The following ZNF155 variants were observed in gnomAD, a reference collection of about 807,000 sequenced individuals.
ZNF155 encodes zinc finger protein 155.
ZNF155 carries 15 observed loss-of-function variants against 11.9 expected under a neutral mutation model. That is an observed-to-expected ratio of 1.26 (90% CI 0.84 to 1.94). The LOEUF (loss-of-function observed/expected upper bound fraction) is 1.94, where lower values mean the gene tolerates loss of function less well. Ranked by LOEUF, ZNF155 falls within the 30% of genes most tolerant of loss-of-function variation. The pLI, the probability that ZNF155 is intolerant of heterozygous loss-of-function variation, is 0.00. For missense variants in ZNF155, 602 were observed against 639.1 expected (o/e 0.94, Z 0.63); for synonymous variants, 212 against 219.9 (o/e 0.96, Z 0.32).
intron 2 of ZNF155, 96 bp downstream of exon 2, chr19:43,988,654 C>T: frequency 7.2e-7 from 1 of 1,380,942 alleles, no homozygotes; most frequent in Non-Finnish European, 9.7e-7. Flanking sequence ...AAGGGGAAAA[C>T]AGGCATTTGG....
chr19:43,996,262 A>C lies in ZNF155; in HGVS notation c.405A>C (p.Glu135Asp), dbSNP rs570190831. ...FENGDVPSQV[E>D]AGLPTIHTGQ... ...ATGGTGATGTCCCCTCCCAGGTTGA[A>C]GCAGGACTACCCACAATTCATACAG... The change falls in exon 5 of 5, where the codon GAA becomes GAC. Residue 135 changes from glutamate (E) to aspartate (D), a missense_variant. Coordinates refer to ENST00000270014, the MANE Select transcript of ZNF155 (RefSeq NM_198089.3). 4.3e-6 allele frequency: 7 copies of C among 1,614,062 alleles called. No homozygotes were observed. The highest frequency in any genetic ancestry group is 5.9e-6 in the Non-Finnish European group (7 of 1,180,018).
At chr19:43,987,665 G>C (rs113495305) in intron 1 of ZNF155, among the ~76,000 whole-genome samples, 5 of 152,272 alleles carry the variant, frequency 3.3e-5, no homozygotes, top group African/African-American at 1.2e-4. Context: ...AAAAGAAATA[G>C]TCAAGTTTCT....
intron 2 of ZNF155, among the ~76,000 whole-genome samples, chr19:43,990,274 C>A (rs183817517): frequency 5.0e-4 from 76 of 152,174 alleles, no homozygotes; most frequent in African/African-American, 1.8e-3. Flanking sequence ...ATGCTCTTTA[C>A]AGGATTGATA....
intron 4 of ZNF155, among the ~76,000 whole-genome samples, chr19:43,994,696 G>A (rs1189966532): frequency 2.6e-5 from 4 of 152,182 alleles, no homozygotes; most frequent in South Asian, 2.1e-4. Context: ...AGTAGGATGT[G>A]TTACATTCCC....
In ZNF155 at chr19:43,997,557, C is replaced by T; in HGVS notation, c.*83C>T. The T allele has an allele frequency of 8.7e-7, 1 of 1,154,086 alleles. No homozygotes were observed. Among genetic ancestry groups the T allele is most frequent in the Non-Finnish European group, 1.2e-6 (1 of 839,472 alleles). 71.5% of individuals were successfully genotyped at this position (1,154,086 alleles called of 1,614,324 possible). A position where few individuals can be genotyped will look rare whatever the true frequency, so the allele number is the denominator to read the frequency against. ...GATCCAATCAGTGTAATTGGTGTATCTGTTACCTCAAACATTTACCATTTC... is the reference window on the plus strand; with the variant it reads ...GATCCAATCAGTGTAATTGGTGTATTTGTTACCTCAAACATTTACCATTTC... On this transcript the variant is annotated 3_prime_UTR_variant, in exon 5 of 5. Transcript: ENST00000270014.
intron 4 of ZNF155, among the ~76,000 whole-genome samples, chr19:43,995,575 G>C (rs556294309): frequency 4.6e-5 from 7 of 151,954 alleles, no homozygotes; most frequent in Admixed American, 2.0e-4. Context: ...GTAGGGACAG[G>C]GTTTTGCTAT....
intron 2 of ZNF155, chr19:43,989,928 A>C: frequency 1.4e-6 from 1 of 710,700 alleles, no homozygotes; most frequent in Non-Finnish European, 2.1e-6. Context: ...CCAATGTAAA[A>C]GGAGAAGTAG....
At chr19:43,990,138 A>G in intron 2 of ZNF155, 3 of 1,328,892 alleles carry the variant, frequency 2.3e-6, no homozygotes, top group Non-Finnish European at 3.1e-6. Flanking sequence ...GGAAGAAAGC[A>G]TGCAGTTATA....
At position 43,997,296 on chromosome 19, in the gene ZNF155, A is replaced by G; in HGVS notation, c.1439A>G (p.Gln480Arg). 3 of 1,614,164 alleles carry G rather than the reference A, an allele frequency of 1.9e-6. No individual in the cohort carries two copies. Among genetic ancestry groups the G allele is most frequent in the East Asian group, 2.2e-5 (1 of 44,874 alleles). ...TTGAATCATAAGAGACTCCACTGCC[A>G]GAAAAAACCATTCAAATGTGAGGAC... Reference protein sequence around the residue: ...SILNHKRLHCQKKPFKCEDCG... With the variant: ...SILNHKRLHCRKKPFKCEDCG... The change falls in exon 5 of 5, where the codon CAG (glutamine) becomes CGG (arginine). Residue 480 changes from glutamine (Q) to arginine (R), a missense_variant. By Grantham distance (43) the Gln-to-Arg change is conservative. Transcript: ENST00000270014.
intron 2 of ZNF155, among the ~76,000 whole-genome samples, chr19:43,991,252 A>G (rs1975651215): frequency 6.6e-6 from 1 of 152,282 alleles, no homozygotes. Context: ...TCGAACCTAT[A>G]TATGGGTAGC....
At chr19:43,986,450 T>G (rs1975447458) in intron 1 of ZNF155, among the ~76,000 whole-genome samples, 1 of 43,676 alleles carries the variant, frequency 2.3e-5, no homozygotes, top group East Asian at 7.1e-4. Flanking sequence ...CCCATTTGTG[T>G]TTTTTTTTTT....
At chr19:43,992,537 C>T (rs1192136077) in intron 4 of ZNF155, among the ~76,000 whole-genome samples, 2 of 152,230 alleles carry the variant, frequency 1.3e-5, no homozygotes, top group East Asian at 1.9e-4. Context: ...TGTCCACACT[C>T]CCTGGCTCTT....
chr19:43,991,447 T>C, intron 2 of ZNF155, 101 bp from the exon 3 acceptor site: 1 of 1,579,860 alleles, frequency 6.3e-7, no homozygotes, highest in Non-Finnish European at 8.6e-7. Context: ...CCCTCAATAC[T>C]GAGAACAACT....
Position 43,988,498 on chromosome 19 carries a change from A to C in ZNF155, c.-46A>C. The C allele has an allele frequency of 6.3e-7, 1 of 1,579,904 alleles. No homozygotes were observed. Among genetic ancestry groups the C allele is most frequent in the Non-Finnish European group, 8.6e-7 (1 of 1,160,884 alleles). The stretch of plus-strand genomic sequence containing the variant: ...CAGGCAGGATTCCTCCTTCATTCAA[A>C]CTGCATCACCCAGGAGTCTGCAAAT... On this transcript the variant is annotated 5_prime_UTR_variant, in exon 2 of 5. Coordinates refer to ENST00000270014, the MANE Select transcript of ZNF155 (RefSeq NM_198089.3).
intron 1 of ZNF155, among the ~76,000 whole-genome samples, chr19:43,985,533 C>CTTTTT (rs752604890): frequency 1.1e-4 from 11 of 97,862 alleles, no homozygotes; most frequent in Admixed American, 2.2e-4. Flanking sequence ...TGCTCTTTTT[C>CTTTTT]TTTTTTTTTT....
chr19:43,997,422 A>G lies in ZNF155; in HGVS notation c.1565A>G (p.Lys522Arg), dbSNP rs957359981. The G allele has an allele frequency of 5.6e-6, 9 of 1,606,430 alleles. No individual in the cohort carries two copies. Among genetic ancestry groups the G allele is most frequent in the Non-Finnish European group, 7.6e-6 (9 of 1,178,160 alleles). The part of the protein sequence containing the change: ...SKCEDCGRRY[K>R]RRLNLDILLS... ...TGTGAGGATTGTGGGAGACGCTACA[A>G]GAGGCGCTTGAATCTGGATATACTT... is the stretch of plus-strand genomic sequence containing the variant. Residue 522 changes from lysine (K) to arginine (R), a missense_variant, in exon 5 of 5, where the codon AAG becomes AGG. Physicochemically the swap from Lys to Arg is conservative, Grantham distance 26 (BLOSUM62 2). Transcript: ENST00000270014.
chr19:43,994,460 A>G (rs768239943), intron 4 of ZNF155, among the ~76,000 whole-genome samples: 5 of 152,262 alleles, frequency 3.3e-5, no homozygotes, highest in Non-Finnish European at 7.3e-5. Flanking sequence ...GAGACATTTT[A>G]CAGAGAACTG....
In ZNF155 at chr19:43,996,565, A is replaced by T; in HGVS notation, c.708A>T (p.Gln236His). 1 of 1,614,114 alleles carries T rather than the reference A, an allele frequency of 6.2e-7. No individual in the cohort carries two copies. The highest frequency in any genetic ancestry group is 8.5e-7 in the Non-Finnish European group (1 of 1,180,004). Residue 236 changes from glutamine to histidine, a missense_variant, in exon 5 of 5, where the codon CAA becomes CAT. Transcript: ENST00000270014. ...HTGEKPFKCE[Q>H]CGKGFSRRSA... ...GAGAGAAACCATTCAAATGTGAGCA[A>T]TGTGGGAAAGGTTTCAGTCGTAGAT...
Position 43,996,264 on chromosome 19 carries a change from C to G in ZNF155, c.407C>G (p.Ala136Gly), listed in dbSNP as rs1304286188. The change falls in exon 5 of 5, where the codon GCA becomes GGA. Residue 136 changes from alanine to glycine, a missense_variant. Transcript: ENST00000270014. The part of the protein sequence containing the change: ...ENGDVPSQVE[A>G]GLPTIHTGQK... ...GGTGATGTCCCCTCCCAGGTTGAAGCAGGACTACCCACAATTCATACAGGA... is the reference window on the plus strand; with the variant it reads ...GGTGATGTCCCCTCCCAGGTTGAAGGAGGACTACCCACAATTCATACAGGA... The G allele has an allele frequency of 6.2e-7, 1 of 1,614,044 alleles. No individual in the cohort carries two copies. The highest frequency in any genetic ancestry group is 8.5e-7 in the Non-Finnish European group (1 of 1,180,012).
Sources: gnomAD v4.1 joint callset for allele counts (sites outside exome capture counted in the v4.1 genomes callset) on GRCh38, gnomAD v4.1.1 for gene constraint, MANE v1.5 for transcripts, NCBI Gene and HGNC (gene_info 2026-07-23, HGNC 2026-07-21) for gene names.